The following KLHL28 variants were observed in gnomAD, a reference collection of about 807,000 sequenced individuals.
KLHL28 encodes kelch-like protein 28.
In KLHL28, 22 loss-of-function variants were observed where a neutral mutation model predicts 48.3. The ratio of observed to expected loss-of-function variants is 0.46; its 90% CI spans 0.33 to 0.65. The LOEUF (loss-of-function observed/expected upper bound fraction) is 0.65, where lower values mean the gene tolerates loss of function less well. KLHL28 is among the 30% of genes least tolerant of loss of function. The pLI is 0.03. For missense variants in KLHL28, 527 were observed against 704.3 expected (o/e 0.75, Z 2.85); for synonymous variants, 243 against 242.4 (o/e 1.00, Z -0.02).
At chr14:44,929,544 T>C (rs1883497153) in intron 4 of KLHL28, among the ~76,000 whole-genome samples, 1 of 152,326 alleles carries the variant, frequency 6.6e-6, no homozygotes, top group Middle Eastern at 3.4e-3. Context: ...AACCTTATCA[T>C]AGATATATAT....
At chr14:44,949,996 C>A (rs1034052354) in intron 1 of KLHL28, among the ~76,000 whole-genome samples, 1 of 151,944 alleles carries the variant, frequency 6.6e-6, no homozygotes, top group East Asian at 1.9e-4. Context: ...ACCTGATGAA[C>A]AGCAGAAATT....
At chr14:44,949,501 G>A (rs975450142) in intron 1 of KLHL28, among the ~76,000 whole-genome samples, 1 of 152,080 alleles carries the variant, frequency 6.6e-6, no homozygotes, top group African/African-American at 2.4e-5. Context: ...TCAGCAACTA[G>A]TGGAACAAAT....
chr14:44,931,645 G>C, intron 3 of KLHL28, 104 bp from the exon 4 acceptor site: 1 of 792,892 alleles, frequency 1.3e-6, no homozygotes, highest in Non-Finnish European at 2.0e-6. Context: ...ACATAATAGA[G>C]AGATATTAAA....
At chr14:44,957,958 A>G (rs1279948371) in intron 1 of KLHL28, among the ~76,000 whole-genome samples, 2 of 152,000 alleles carry the variant, frequency 1.3e-5, no homozygotes, top group Non-Finnish European at 2.9e-5. Context: ...ACAAAAATAC[A>G]CAGGGCTTTA....
intron 1 of KLHL28, among the ~76,000 whole-genome samples, chr14:44,947,106 G>A (rs1388175122): frequency 6.6e-6 from 1 of 152,168 alleles, no homozygotes; most frequent in African/African-American, 2.4e-5. Flanking sequence ...ACAATTTTGA[G>A]ATGGGGACAA....
chr14:44,931,520 A>C lies in KLHL28; in HGVS notation c.1365T>G (p.Ser455Arg). 1 of 1,613,466 alleles carries C rather than the reference A, an allele frequency of 6.2e-7. No homozygotes were observed. Among genetic ancestry groups the C allele is most frequent in the Non-Finnish European group, 8.5e-7 (1 of 1,179,456 alleles). Residue 455 changes from serine to arginine, a missense_variant, in exon 4 of 5, where the codon AGT becomes AGG. Coordinates refer to ENST00000396128, the MANE Select transcript of KLHL28 (RefSeq NM_017658.5). ...ATGCAACCATCTCCCAGGAGTCCTTACTTGGATCATAACGCTCCACACTGC... is the reference window on the plus strand; with the variant it reads ...ATGCAACCATCTCCCAGGAGTCCTTCCTTGGATCATAACGCTCCACACTGC... Reference protein sequence around the residue: ...HMNSVERYDPSKDSWEMVASM... With the variant: ...HMNSVERYDPRKDSWEMVASM...
chr14:44,959,118 T>C (rs1884927455), intron 1 of KLHL28, among the ~76,000 whole-genome samples: 1 of 151,814 alleles, frequency 6.6e-6, no homozygotes, highest in Admixed American at 6.5e-5. Context: ...TGATATATAA[T>C]AAATGAATAA....
At chr14:44,936,161 G>T (rs1034890335) in intron 2 of KLHL28, among the ~76,000 whole-genome samples, 3 of 151,722 alleles carry the variant, frequency 2.0e-5, no homozygotes, top group African/African-American at 7.3e-5. Context: ...GTGAAAACAG[G>T]GGGTATAACT....
chr14:44,934,091 C>T (rs776277815), intron 3 of KLHL28, 24 bp downstream of exon 3: 26 of 1,514,534 alleles, frequency 1.7e-5, no homozygotes, highest in East Asian at 4.5e-5. Flanking sequence ...TAAACATATG[C>T]AATTTAATTA....
chr14:44,955,966 G>T (rs2138668158), intron 1 of KLHL28, among the ~76,000 whole-genome samples: 1 of 152,294 alleles, frequency 6.6e-6, no homozygotes, highest in South Asian at 2.1e-4. Context: ...AAATGCATGA[G>T]TTAATAATGA....
At chr14:44,950,490 G>T (rs995300310) in intron 1 of KLHL28, among the ~76,000 whole-genome samples, 1 of 152,098 alleles carries the variant, frequency 6.6e-6, no homozygotes, top group African/African-American at 2.4e-5. Context: ...ATCAACATAT[G>T]ACACGCAAAA....
At chr14:44,951,147 C>G (rs574848662) in intron 1 of KLHL28, among the ~76,000 whole-genome samples, 1 of 152,344 alleles carries the variant, frequency 6.6e-6, no homozygotes, top group South Asian at 2.1e-4. Context: ...TTCTGTAGCT[C>G]TATTCTAAGG....
Position 44,947,230 on chromosome 14 carries a change from C to T in KLHL28, c.1-1302G>A, listed in dbSNP as rs375331056. ...GGTCATGTGACTAAAGAGGCAGAGACTAGAGTGCTGCAGCCACAAACCAAG... is the reference window on the plus strand; with the variant it reads ...GGTCATGTGACTAAAGAGGCAGAGATTAGAGTGCTGCAGCCACAAACCAAG... On this transcript the variant is annotated intron_variant, in intron 1 of 4. Transcript: ENST00000396128. 2.6e-4 allele frequency among the ~76,000 whole-genome samples: 39 copies of T among 152,260 alleles called. No individual in the cohort carries two copies. In the South Asian group the frequency reaches 8.1e-3, roughly 32 times the overall value.
chr14:44,956,413 G>A lies in KLHL28; in HGVS notation c.-1+5433C>T, dbSNP rs554775670. ...TAGCTAGATAATTGGGCCTTCTGAT[G>A]GAAAAACATAACACCCATGAGTATT... On this transcript the variant is annotated intron_variant, in intron 1 of 4. Transcript: ENST00000396128. Among the ~76,000 whole-genome samples the A allele has an allele frequency of 2.3e-4, 35 of 152,180 alleles. 1 individual carries two copies. The South Asian group carries it at 7.0e-3, about 31-fold the overall frequency.
intron 1 of KLHL28, among the ~76,000 whole-genome samples, chr14:44,947,139 C>T (rs893251285): frequency 2.6e-5 from 4 of 152,020 alleles, no homozygotes; most frequent in Non-Finnish European, 4.4e-5. Flanking sequence ...TCCAAGTGGG[C>T]CCAAAATGCA....
At chr14:44,934,747 C>A (rs1883737098) in intron 2 of KLHL28, among the ~76,000 whole-genome samples, 189 bp from the exon 3 acceptor site, 1 of 152,096 alleles carries the variant, frequency 6.6e-6, no homozygotes, top group Non-Finnish European at 1.5e-5. Flanking sequence ...GCAAGAAATG[C>A]ATACTCCGTT....
At chr14:44,951,898 T>C (rs927311745) in intron 1 of KLHL28, among the ~76,000 whole-genome samples, 2 of 152,158 alleles carry the variant, frequency 1.3e-5, no homozygotes, top group Non-Finnish European at 1.5e-5. Flanking sequence ...CCTGTTGCCC[T>C]GGCCAGGGTG....
At chr14:44,952,170 T>C (rs1455401072) in intron 1 of KLHL28, among the ~76,000 whole-genome samples, 1 of 152,174 alleles carries the variant, frequency 6.6e-6, no homozygotes, top group Non-Finnish European at 1.5e-5. Flanking sequence ...AAATTAAATC[T>C]TAAAATTTTT....
intron 1 of KLHL28, among the ~76,000 whole-genome samples, chr14:44,956,757 A>T (rs1462322875): frequency 6.6e-6 from 1 of 152,248 alleles, no homozygotes; most frequent in Non-Finnish European, 1.5e-5. Flanking sequence ...TTACACACTG[A>T]CTGGATTATT....
Sources: allele counts gnomAD v4.1 joint callset (sites outside exome capture counted in the v4.1 genomes callset), GRCh38; gene constraint gnomAD v4.1.1; transcripts MANE v1.5; gene names NCBI Gene and HGNC (gene_info 2026-07-23, HGNC 2026-07-21).